The following CCDC171 variants were observed in gnomAD, a reference collection of about 807,000 sequenced individuals.
CCDC171 encodes coiled-coil domain containing 171.
CCDC171 carries 177 observed loss-of-function variants against 168.2 expected under a neutral mutation model. That is an observed-to-expected ratio of 1.05 (90% CI 0.93 to 1.19). The LOEUF is 1.19. Ranked by LOEUF, CCDC171 falls within the 50% of genes most tolerant of loss-of-function variation. The pLI is 0.00. For missense variants in CCDC171, 1,991 were observed against 1,539.0 expected, an observed-to-expected ratio of 1.29 and a Z score of -4.91; for synonymous variants, 687 against 540.8, an observed-to-expected ratio of 1.27 and a Z score of -3.75.
At chr9:15,957,255 G>A (rs754749461) in intron 25 of CCDC171, among the ~76,000 whole-genome samples, 2 of 152,164 alleles carry the variant, frequency 1.3e-5, no homozygotes, top group Admixed American at 6.6e-5. Flanking sequence ...TCAAGTGAAA[G>A]TGAGTTAATT....
At chr9:15,953,805 A>T (rs548742380) in intron 25 of CCDC171, among the ~76,000 whole-genome samples, 37 of 152,194 alleles carry the variant, frequency 2.4e-4, no homozygotes, top group Non-Finnish European at 3.8e-4. Flanking sequence ...ATTTGGTCCT[A>T]GGCTTCTCTT....
At chr9:15,639,180 T>A (rs2046413725) in intron 7 of CCDC171, among the ~76,000 whole-genome samples, 1 of 152,092 alleles carries the variant, frequency 6.6e-6, no homozygotes, top group Non-Finnish European at 1.5e-5. Flanking sequence ...TGATTCATCT[T>A]TTTAAAGCCA....
chr9:16,080,360 G>A, the CCDC171 span, among the ~76,000 whole-genome samples: 3 of 152,146 alleles, frequency 2.0e-5, no homozygotes, highest in Non-Finnish European at 4.4e-5. Flanking sequence ...GTATATATGT[G>A]CCTGTTGGTA....
intron 7 of CCDC171, among the ~76,000 whole-genome samples, chr9:15,628,030 G>A (rs775360635): frequency 1.8e-4 from 27 of 151,928 alleles, no homozygotes; most frequent in Non-Finnish European, 3.1e-4. Flanking sequence ...ATGTTAAAAG[G>A]TTTCACTGGG....
the CCDC171 span, among the ~76,000 whole-genome samples, chr9:16,108,310 T>G: frequency 6.6e-6 from 1 of 152,232 alleles, no homozygotes; most frequent in Non-Finnish European, 1.5e-5. Context: ...ACTCAAACAC[T>G]TTGTCTTCTT....
chr9:16,070,997 C>G, the CCDC171 span, among the ~76,000 whole-genome samples: 2 of 152,200 alleles, frequency 1.3e-5, no homozygotes, highest in African/African-American at 2.4e-5. Flanking sequence ...AGAGCCAAAG[C>G]TGGAACTTCT....
chr9:15,798,508 C>T (rs922973381), intron 21 of CCDC171, among the ~76,000 whole-genome samples: 3 of 151,726 alleles, frequency 2.0e-5, no homozygotes, highest in South Asian at 2.1e-4. Flanking sequence ...ATACATTTAC[C>T]GTGGTGGTTT....
At chr9:15,919,292 C>A (rs778640492) in intron 24 of CCDC171, among the ~76,000 whole-genome samples, 68 of 151,570 alleles carry the variant, frequency 4.5e-4, no homozygotes, top group Non-Finnish European at 8.4e-4. Context: ...TATATTGTTT[C>A]TTACTCTGTC....
At chr9:16,094,036 G>A in the CCDC171 span, among the ~76,000 whole-genome samples, 1 of 152,166 alleles carries the variant, frequency 6.6e-6, no homozygotes, top group Non-Finnish European at 1.5e-5. Flanking sequence ...TCTTGCTAGT[G>A]GCTAAGAGCA....
chr9:15,762,155 C>CT lies in CCDC171; in HGVS notation c.2672-15428dup, dbSNP rs763343953. On this transcript the variant is annotated intron_variant, in intron 18 of 25. Coordinates refer to ENST00000380701, the MANE Select transcript of CCDC171 (RefSeq NM_173550.4). ...CTGGGCAACTTCTAAGAGCCTGAAG[C>CT]TTTTTTTTTTTTTTTTTAAGAAAGC... 3.8e-3 allele frequency among the ~76,000 whole-genome samples: 470 copies of CT among 122,658 alleles called. 1 individual carries two copies. The highest frequency in any genetic ancestry group is 9.2e-3 in the Middle Eastern group (2 of 218). 80.5% of individuals were successfully genotyped at this position (122,658 alleles called of 152,430 possible).
At chr9:15,814,176 A>AT in intron 21 of CCDC171, among the ~76,000 whole-genome samples, 1 of 152,198 alleles carries the variant, frequency 6.6e-6, no homozygotes, top group East Asian at 1.9e-4. Flanking sequence ...TTCCCAGAAT[A>AT]TTTTTGGTAT....
intron 24 of CCDC171, among the ~76,000 whole-genome samples, chr9:15,884,166 A>G (rs887998927): frequency 2.0e-5 from 3 of 151,986 alleles, no homozygotes; most frequent in African/African-American, 4.8e-5. Flanking sequence ...TAGAATCACT[A>G]TTTTCTGTGA....
intron 21 of CCDC171, among the ~76,000 whole-genome samples, chr9:15,799,868 T>G (rs1322165266): frequency 6.6e-6 from 1 of 152,152 alleles, no homozygotes; most frequent in Non-Finnish European, 1.5e-5. Flanking sequence ...AGTAAGAACA[T>G]GCAATGTTTG....
chr9:15,693,644 A>G (rs2050990375), intron 10 of CCDC171, among the ~76,000 whole-genome samples: 1 of 152,178 alleles, frequency 6.6e-6, no homozygotes, highest in Admixed American at 6.5e-5. Context: ...TTTTCTGGGG[A>G]AGTGATAGTT....
chr9:15,718,605 C>T (rs1250579103), intron 11 of CCDC171, among the ~76,000 whole-genome samples: 1 of 152,192 alleles, frequency 6.6e-6, no homozygotes, highest in Non-Finnish European at 1.5e-5. Flanking sequence ...CACTTCTCCC[C>T]CAGTTTTAGC....
chr9:15,900,275 TG>T (rs1252890132), intron 24 of CCDC171, among the ~76,000 whole-genome samples: 4 of 152,188 alleles, frequency 2.6e-5, no homozygotes, highest in Non-Finnish European at 5.9e-5. Context: ...TCTGAGGGAC[TG>T]GAGGAAAGCA....
At chr9:15,564,558 C>T (rs908809817) in intron 2 of CCDC171, among the ~76,000 whole-genome samples, 8 of 152,192 alleles carry the variant, frequency 5.3e-5, no homozygotes, top group Admixed American at 4.6e-4. Context: ...GTTGCTGTTT[C>T]GCTTCCTTAC....
intron 3 of CCDC171, among the ~76,000 whole-genome samples, chr9:15,991,380 A>G (rs1363829098): frequency 6.7e-6 from 1 of 149,906 alleles, no homozygotes; most frequent in African/African-American, 2.6e-5. Context: ...TTTGAAACCG[A>G]TGAGAACAAA....
intron 25 of CCDC171, among the ~76,000 whole-genome samples, chr9:15,960,306 A>G (rs981000945): frequency 6.6e-6 from 1 of 152,168 alleles, no homozygotes; most frequent in Admixed American, 6.5e-5. Flanking sequence ...TATTTGTTTA[A>G]TTCACTTTTG....
Sources: gnomAD v4.1 joint callset for allele counts (sites outside exome capture counted in the v4.1 genomes callset) on GRCh38, gnomAD v4.1.1 for gene constraint, MANE v1.5 for transcripts, NCBI Gene and HGNC (gene_info 2026-07-23, HGNC 2026-07-21) for gene names.